The following MPP7 variants were observed in gnomAD, a reference collection of about 807,000 sequenced individuals.
MPP7 encodes the protein MAGUK p55 scaffold protein 7.
In MPP7, 60 loss-of-function variants were observed where a neutral mutation model predicts 76.5. That is an observed-to-expected ratio of 0.78 (90% CI 0.64 to 0.97). The LOEUF is 0.97. Ranked by LOEUF, MPP7 falls within the 50% of genes least tolerant of loss-of-function variation. The probability of loss-of-function intolerance (pLI) is 0.00; values close to 1 mark genes in which losing one functional copy is unlikely to be tolerated. For synonymous variants in MPP7, 237 were observed against 244.5 expected (o/e 0.97, Z 0.29); for missense variants, 641 against 694.0 (o/e 0.92, Z 0.86).
In MPP7 at chr10:28,250,100, A is replaced by C. The variant is rs1266904027; in HGVS notation, c.-131-11365T>G. Among the ~76,000 whole-genome samples, 4 of 151,698 alleles carry C rather than the reference A, an allele frequency of 2.6e-5. No individual in the cohort carries two copies. The East Asian group carries it at 7.7e-4, about 29-fold the overall frequency. On this transcript the variant is annotated intron_variant, in intron 1 of 16. Transcript: ENST00000683449. ...CAAGCCTTTGTGGTTCTCCTATTGG[A>C]TGTAACAGAACCCATTATCTATACC...
chr10:28,306,674 G>GAGAGAA (rs923928412), upstream of MPP7, among the ~76,000 whole-genome samples: 4 of 151,708 alleles, frequency 2.6e-5, no homozygotes, highest in African/African-American at 9.7e-5. Context: ...TAGATAGAGA[G>GAGAGAA]AGAGAGAGAG....
intron 2 of MPP7, among the ~76,000 whole-genome samples, chr10:28,215,708 G>GTAAA: frequency 6.6e-6 from 1 of 152,208 alleles, no homozygotes; most frequent in African/African-American, 2.4e-5. Context: ...GGGCATATTG[G>GTAAA]TAAACATCTC....
At chr10:28,239,292 C>A (rs1839186528) in intron 1 of MPP7, among the ~76,000 whole-genome samples, 1 of 151,774 alleles carries the variant, frequency 6.6e-6, no homozygotes, top group South Asian at 2.1e-4. Context: ...ACTACAGGGG[C>A]CCGCCACCAA....
chr10:28,321,746 G>A (rs1335442927), intron 2 of MPP7, among the ~76,000 whole-genome samples: 3 of 151,964 alleles, frequency 2.0e-5, no homozygotes, highest in African/African-American at 2.4e-5. Flanking sequence ...CACCACACCC[G>A]GCTAATTTTT....
chr10:28,185,066 T>G (rs982486533), intron 3 of MPP7, among the ~76,000 whole-genome samples: 1 of 148,078 alleles, frequency 6.8e-6, no homozygotes, highest in Admixed American at 6.8e-5. Context: ...CAGTGGTTTA[T>G]GCCTGTAATC....
rs557236418 is a variant in MPP7, at chr10:28,314,871, G to C, written c.-132+15058C>G. ...TTTCTATTTTTAAGAAAAAAGGCCG[G>C]ACACAGTGGCTCACACCTGTAATCC... On this transcript the variant is annotated intron_variant, in intron 2 of 11. Transcript: ENST00000441595. 6.6e-5 allele frequency among the ~76,000 whole-genome samples: 10 copies of C among 152,266 alleles called. No individual in the cohort carries two copies. In the South Asian group the frequency reaches 2.1e-3, roughly 32 times the overall value.
intron 1 of MPP7, among the ~76,000 whole-genome samples, chr10:28,266,084 C>A (rs933629572): frequency 2.6e-5 from 4 of 152,078 alleles, no homozygotes; most frequent in African/African-American, 9.7e-5. Context: ...CTCAGCCTCC[C>A]TAGTAGCTGG....
chr10:28,222,870 G>C (rs563180763), intron 2 of MPP7, among the ~76,000 whole-genome samples: 4 of 137,584 alleles, frequency 2.9e-5, no homozygotes, highest in Non-Finnish European at 6.1e-5. Flanking sequence ...AAAAAACCTA[G>C]TGATTTGGCT....
At chr10:28,271,973 T>C (rs1190097622) in intron 1 of MPP7, among the ~76,000 whole-genome samples, 1 of 152,014 alleles carries the variant, frequency 6.6e-6, no homozygotes. Flanking sequence ...AGACTCTGTC[T>C]CAAAAAACAA....
intron 15 of MPP7, chr10:28,057,762 G>A (rs1182444267): frequency 4.7e-6 from 6 of 1,288,542 alleles, no homozygotes; most frequent in Non-Finnish European, 6.1e-6. Context: ...TTCCTTTAGA[G>A]GTCCAAAGGG....
rs60079075 is a variant in MPP7 at position 28,167,172 on chromosome 10, G to A, written c.157-17113C>T. On this transcript the variant is annotated intron_variant, in intron 3 of 16. Coordinates refer to ENST00000683449, the MANE Select transcript of MPP7 (RefSeq NM_001318170.2). ...CTAAAAATACAAAAATTAGCCAGGC[G>A]TGGTGGCATGCACCTGTAATCCCAG... Among the ~76,000 whole-genome samples, 950 of 152,066 alleles carry A rather than the reference G, an allele frequency of 6.2e-3. 9 individuals are homozygous for A. Among genetic ancestry groups the A allele is most frequent in the African/African-American group, 0.02 (820 of 41,500 alleles).
intron 3 of MPP7, among the ~76,000 whole-genome samples, chr10:28,187,115 T>C (rs985898292): frequency 1.3e-5 from 2 of 152,188 alleles, no homozygotes; most frequent in African/African-American, 4.8e-5. Context: ...ACTAAGTATA[T>C]TTGAATCACC....
intron 3 of MPP7, among the ~76,000 whole-genome samples, chr10:28,167,951 T>C (rs1276233246): frequency 6.6e-6 from 1 of 152,128 alleles, no homozygotes; most frequent in East Asian, 1.9e-4. Context: ...GGTTATATTT[T>C]CTAGGCCAGG....
intron 1 of MPP7, among the ~76,000 whole-genome samples, chr10:28,300,669 AG>A (rs1354571651): frequency 6.6e-6 from 1 of 152,132 alleles, no homozygotes; most frequent in Non-Finnish European, 1.5e-5. Flanking sequence ...AGTTACATTC[AG>A]GCTGGGTGCA....
chr10:28,277,010 T>C (rs976794124), intron 1 of MPP7, among the ~76,000 whole-genome samples: 25 of 151,776 alleles, frequency 1.6e-4, no homozygotes, highest in African/African-American at 5.3e-4. Flanking sequence ...TTGGACAACA[T>C]AGTGAGATGC....
chr10:28,148,163 T>C (rs1410137630), intron 4 of MPP7, among the ~76,000 whole-genome samples: 2 of 152,186 alleles, frequency 1.3e-5, no homozygotes, highest in Non-Finnish European at 2.9e-5. Context: ...CTATAATGGG[T>C]TGACAGCTAG....
At chr10:28,072,932 A>T (rs11006839) in intron 12 of MPP7, among the ~76,000 whole-genome samples, 22,633 of 151,976 alleles carry the variant, frequency 0.15, 2,390 homozygotes, top group East Asian at 0.51. Context: ...CAATGAAACC[A>T]CCCATCTAAG....
chr10:28,235,245 G>A (rs922925469), intron 2 of MPP7, among the ~76,000 whole-genome samples: 2 of 152,038 alleles, frequency 1.3e-5, no homozygotes, highest in African/African-American at 4.8e-5. Context: ...TCTGAATAAA[G>A]TACAGATTTT....
intron 2 of MPP7, among the ~76,000 whole-genome samples, chr10:28,329,604 C>A (rs1834453022): frequency 7.1e-6 from 1 of 141,784 alleles, no homozygotes; most frequent in South Asian, 2.3e-4. Flanking sequence ...GCACTCCAGC[C>A]TGGGCAACAG....
Sources: allele counts gnomAD v4.1 joint callset (sites outside exome capture counted in the v4.1 genomes callset), GRCh38; gene constraint gnomAD v4.1.1; transcripts MANE v1.5; gene names NCBI Gene and HGNC (gene_info 2026-07-23, HGNC 2026-07-21).